Variants in POGK observed in about 807,000 individuals in gnomAD.
POGK encodes the protein pogo transposable element with KRAB domain.
Under a neutral mutation model 54.4 loss-of-function variants are expected in POGK, and 16 were observed. The observed-to-expected ratio is 0.29, with a 90% CI of 0.20 to 0.45. The LOEUF is 0.45. Ranked by LOEUF, POGK falls within the 20% of genes least tolerant of loss-of-function variation. The pLI is 1.00. For synonymous variants in POGK, 271 were observed against 302.2 expected (o/e 0.90, Z 1.07); for missense variants, 515 against 795.6 (o/e 0.65, Z 4.24).
At chr1:166,839,771 T>A (rs1392235100) in intron 1 of POGK, 167 bp downstream of exon 1, 1 of 143,016 alleles carries the variant, frequency 7.0e-6, no homozygotes, top group Non-Finnish European at 1.5e-5. Flanking sequence ...GCCCGGCAGG[T>A]GCGCTGGGGC....
In POGK at chr1:166,850,072, G is replaced by C; in HGVS notation, c.1493G>C (p.Gly498Ala). 6.2e-7 allele frequency: 1 copy of C among 1,614,002 alleles called. No homozygotes were observed. Among genetic ancestry groups the C allele is most frequent in the Non-Finnish European group, 8.5e-7 (1 of 1,179,976 alleles). ...ACTGACATGGTGATCATCCCAGGGG[G>C]TCTGACCTCACAGCTTCAGGTGCTG... ...MNTDMVIIPG[G>A]LTSQLQVLDV... Residue 498 changes from glycine (G) to alanine (A), a missense_variant, in exon 5 of 6, where the codon GGT becomes GCT. Gly to Ala is a moderately conservative substitution (Grantham distance 60). Around this residue, in one of 2 missense-constraint regions of POGK, gnomAD observed 461 missense variants for 743.5 expected, o/e 0.62. Coordinates refer to ENST00000367876, the MANE Select transcript of POGK (RefSeq NM_017542.5).
chr1:166,847,517 A>G lies in POGK; in HGVS notation c.283A>G (p.Met95Val). 6.2e-7 allele frequency: 1 copy of G among 1,613,994 alleles called. No individual in the cohort carries two copies. The highest frequency in any genetic ancestry group is 1.3e-5 in the African/African-American group (1 of 75,040). ...SLEFPFPKPD[M>V]ITRLEGEEES... The stretch of plus-strand genomic sequence containing the variant: ...AGAATTCCCATTCCCTAAGCCAGAC[A>G]TGATCACCCGTTTGGAAGGGGAGGA... Residue 95 changes from methionine to valine, a missense_variant, in exon 4 of 6, where the codon ATG (methionine) becomes GTG (valine). By Grantham distance (21) the Met-to-Val change is conservative (BLOSUM62 1). This residue lies in a region of POGK where 461 missense variants were observed against 743.5 expected (regional missense o/e 0.62). Coordinates refer to ENST00000367876, the MANE Select transcript of POGK (RefSeq NM_017542.5).
intron 3 of POGK, 139 bp downstream of exon 3, chr1:166,846,877 C>G (rs1269036488): frequency 8.3e-6 from 10 of 1,201,402 alleles, no homozygotes; most frequent in Non-Finnish European, 1.0e-5. Context: ...CCATTTATTC[C>G]AATTTTTGAT....
rs115498690 is a variant in POGK, at chr1:166,853,980, T to A, written c.*1410T>A. On this transcript the variant is annotated 3_prime_UTR_variant, in exon 6 of 6. Coordinates refer to ENST00000367876, the MANE Select transcript of POGK (RefSeq NM_017542.5). The stretch of plus-strand genomic sequence containing the variant: ...GTATTCTTGGTCATCTCAAATGGCG[T>A]CTAAACCCAGCTACTTTGCATTCCA... 21 of 152,344 alleles carry A rather than the reference T, an allele frequency of 1.4e-4. No individual in the cohort carries two copies. Among genetic ancestry groups the A allele is most frequent in the African/African-American group, 5.1e-4 (21 of 41,576 alleles). 9.4% of individuals were successfully genotyped at this position (152,344 alleles called of 1,614,324 possible).
chr1:166,844,788 T>C (rs1256685353), intron 2 of POGK, among the ~76,000 whole-genome samples: 3 of 152,042 alleles, frequency 2.0e-5, no homozygotes, highest in African/African-American at 7.2e-5. Flanking sequence ...CCAAAAGAAT[T>C]CTGCAGTGTG....
Position 166,852,938 on chromosome 1 carries a change from A to G in POGK, c.*368A>G, listed in dbSNP as rs565913927. On this transcript the variant is annotated 3_prime_UTR_variant, in exon 6 of 6. Coordinates refer to ENST00000367876, the MANE Select transcript of POGK (RefSeq NM_017542.5). ...TCCTGGAGAAAAGACAATTTATTCA[A>G]CACCAACGAGGGACTCATCATATGG... 1 of 152,272 alleles carries G rather than the reference A, an allele frequency of 6.6e-6. No individual in the cohort carries two copies. Among genetic ancestry groups the G allele is most frequent in the East Asian group, 1.9e-4 (1 of 5,208 alleles). 9.4% of individuals were successfully genotyped at this position (152,272 alleles called of 1,614,324 possible). A position where few individuals can be genotyped will look rare whatever the true frequency, so the allele number is the denominator to read the frequency against.
rs1457272542 is a variant in POGK at position 166,849,981 on chromosome 1, C to A, written c.1402C>A (p.Leu468Met). Residue 468 changes from leucine to methionine, a missense_variant, in exon 5 of 6, where the codon CTG becomes ATG. Coordinates refer to ENST00000367876, the MANE Select transcript of POGK (RefSeq NM_017542.5). ...AGCAGTGCCCAAGCAGCGAGGGATG[C>A]TGATCTTGAATGGCTTCCGGGGCCA... ...TGAVPKQRGM[L>M]ILNGFRGHAT... is the part of the protein sequence containing the mutation. 1 of 1,614,198 alleles carries A rather than the reference C, an allele frequency of 6.2e-7. No individual in the cohort carries two copies. The highest frequency in any genetic ancestry group is 1.7e-5 in the Admixed American group (1 of 60,030).
At chr1:166,847,703 G>A (rs1421247717) in intron 4 of POGK, 111 bp downstream of exon 4, 1 of 810,406 alleles carries the variant, frequency 1.2e-6, no homozygotes, top group African/African-American at 1.7e-5. Context: ...ATGGGTTTTG[G>A]AGTTTTGAAA....
In POGK at chr1:166,850,002, G is replaced by A; in HGVS notation, c.1423G>A (p.Gly475Ser). The change falls in exon 5 of 6, where the codon GGC (glycine) becomes AGC (serine). Residue 475 changes from glycine (G) to serine (S), a missense_variant. By Grantham distance (56) the Gly-to-Ser change is moderately conservative (BLOSUM62 0). Transcript: ENST00000367876. ...GATGCTGATCTTGAATGGCTTCCGG[G>A]GCCATGCCACAGATTCCGTGAAGAA... ...RGMLILNGFR[G>S]HATDSVKNSM... The A allele has an allele frequency of 6.2e-7, 1 of 1,614,168 alleles. No individual in the cohort carries two copies. Among genetic ancestry groups the A allele is most frequent in the Non-Finnish European group, 8.5e-7 (1 of 1,180,008 alleles).
In POGK at chr1:166,850,403, C is replaced by T. The variant is rs1326397052; in HGVS notation, c.1824C>T (p.Ser608=). The T allele has an allele frequency of 6.2e-7, 1 of 1,604,468 alleles. No individual in the cohort carries two copies. The highest frequency in any genetic ancestry group is 1.1e-5 in the South Asian group (1 of 89,820). Residue 608 remains serine (S), a synonymous_variant, in exon 5 of 6, where the codon AGC becomes AGT. Coordinates refer to ENST00000367876, the MANE Select transcript of POGK (RefSeq NM_017542.5). ...KDCDTESMAE[S]N Reference sequence around the variant, plus strand: ...GTGACACCGAAAGCATGGCTGAGAGCAACTGAAGGGAAAGGGAAAGGTAAC... The same window carrying T: ...GTGACACCGAAAGCATGGCTGAGAGTAACTGAAGGGAAAGGGAAAGGTAAC...
At chr1:166,844,908 T>G (rs1657772837) in intron 2 of POGK, among the ~76,000 whole-genome samples, 1 of 152,052 alleles carries the variant, frequency 6.6e-6, no homozygotes, top group Admixed American at 6.6e-5. Context: ...GGCTGAGTCC[T>G]GGAAGATGGG....
At chr1:166,841,579 GA>G (rs1440106889) in intron 2 of POGK, among the ~76,000 whole-genome samples, 2 of 152,206 alleles carry the variant, frequency 1.3e-5, no homozygotes, top group Non-Finnish European at 2.9e-5. Context: ...AGGGAATACA[GA>G]GATTCAGGGT....
chr1:166,844,283 CA>C (rs1657742936), intron 2 of POGK, among the ~76,000 whole-genome samples: 1 of 152,106 alleles, frequency 6.6e-6, no homozygotes, highest in Non-Finnish European at 1.5e-5. Flanking sequence ...TCTGAAATGA[CA>C]GGCATAGACA....
Position 166,854,238 on chromosome 1 carries a change from C to G in POGK, c.*1668C>G, listed in dbSNP as rs1462574881. 1.3e-5 allele frequency: 2 copies of G among 152,626 alleles called. No homozygotes were observed. 9.5% of individuals were successfully genotyped at this position (152,626 alleles called of 1,614,324 possible). Reference sequence around the variant, plus strand: ...TCTCATCATCAGCTGAGCGATGATGCCTTACAGGTTGCATAGCACTGGAAC... The same window carrying G: ...TCTCATCATCAGCTGAGCGATGATGGCTTACAGGTTGCATAGCACTGGAAC... On this transcript the variant is annotated 3_prime_UTR_variant, in exon 6 of 6. Transcript: ENST00000367876.
chr1:166,854,477 T>G lies in POGK; in HGVS notation c.*1907T>G, dbSNP rs1487740200. 1 of 133,892 alleles carries G rather than the reference T, an allele frequency of 7.5e-6. No homozygotes were observed. The highest frequency in any genetic ancestry group is 1.7e-5 in the Non-Finnish European group (1 of 59,852). 8.3% of individuals were successfully genotyped at this position (133,892 alleles called of 1,614,324 possible). A position where few individuals can be genotyped will look rare whatever the true frequency, so the allele number is the denominator to read the frequency against. ...AACTTTGATAATAAAGACAATAGGC[T>G]ATGGTGATTTTATTTCTTTACCTAT... On this transcript the variant is annotated 3_prime_UTR_variant, in exon 6 of 6. Transcript: ENST00000367876.
In POGK at chr1:166,855,297, A is replaced by G. The variant is rs906263279; in HGVS notation, c.*2727A>G. ...TAAGTTTTATTCTAAGTCTGAAATT[A>G]TATGGTTTCCAACAGCTTTTTCCCT... On this transcript the variant is annotated 3_prime_UTR_variant, in exon 6 of 6. Coordinates refer to ENST00000367876, the MANE Select transcript of POGK (RefSeq NM_017542.5). The G allele has an allele frequency of 1.3e-5, 2 of 152,218 alleles. No individual in the cohort carries two copies. The highest frequency in any genetic ancestry group is 2.4e-5 in the African/African-American group (1 of 41,446). 9.4% of individuals were successfully genotyped at this position (152,218 alleles called of 1,614,324 possible).
intron 5 of POGK, chr1:166,850,673 A>T (rs1022087962): frequency 2.4e-6 from 1 of 410,916 alleles, no homozygotes; most frequent in Non-Finnish European, 4.4e-6. Context: ...CTGTCACAGC[A>T]GCGGCATTAG....
chr1:166,840,526 T>A (rs1657449816), intron 1 of POGK: 1 of 155,268 alleles, frequency 6.4e-6, no homozygotes, highest in Non-Finnish European at 1.4e-5. Flanking sequence ...AAGTGTCCAA[T>A]CTGTGTTCAG....
chr1:166,842,204 A>C (rs1657546588), intron 2 of POGK, among the ~76,000 whole-genome samples: 1 of 152,176 alleles, frequency 6.6e-6, no homozygotes, highest in Non-Finnish European at 1.5e-5. Flanking sequence ...AGATTGGTCA[A>C]CCCAGAACAT....
Sources: gnomAD v4.1 joint callset for allele counts (sites outside exome capture counted in the v4.1 genomes callset) on GRCh38, gnomAD v4.1.1 for gene constraint, gnomAD v4.1.1 regional missense constraint, MANE v1.5 for transcripts, NCBI Gene and HGNC (gene_info 2026-07-23, HGNC 2026-07-21) for gene names.